The following LRRC43 variants were observed in gnomAD, a reference collection of about 807,000 sequenced individuals.
LRRC43 encodes the protein leucine rich repeat containing 43.
A neutral mutation model predicts 64.3 loss-of-function variants in LRRC43; 62 were observed. The observed-to-expected ratio is 0.96, with a 90% CI of 0.79 to 1.19. LRRC43 has a LOEUF of 1.19. LRRC43 is among the 50% of genes most tolerant of loss of function. LRRC43 has a pLI of 0.00. For synonymous variants in LRRC43, 422 were observed against 382.3 expected, an observed-to-expected ratio of 1.10 and a Z score of -1.21; for missense variants, 868 against 845.0, an observed-to-expected ratio of 1.03 and a Z score of -0.34.
chr12:122,192,852 A>G lies in LRRC43; in HGVS notation c.1197A>G (p.Glu399=). ...DIVEEVTEEV[E]GSLESEVEES... is the part of the protein sequence containing the mutation. ...TTGAAGAGGTTACTGAAGAGGTCGA[A>G]GGGTCTCTGGAGTCTGAGGTGGAGG... The change falls in exon 7 of 12, where the codon GAA becomes GAG. Residue 399 remains glutamate, a synonymous_variant. Transcript: ENST00000339777. 2 of 1,611,318 alleles carry G rather than the reference A, an allele frequency of 1.2e-6. No homozygotes were observed. Among genetic ancestry groups the G allele is most frequent in the Non-Finnish European group, 8.5e-7 (1 of 1,180,016 alleles).
intron 1 of LRRC43, chr12:122,173,996 G>C (rs1953514012): frequency 6.2e-7 from 1 of 1,613,934 alleles, no homozygotes; most frequent in African/African-American, 1.3e-5. Context: ...GAGGGGCCTG[G>C]AGAGAGAACG....
upstream of LRRC43, among the ~76,000 whole-genome samples, chr12:122,178,594 T>C (rs868227384): frequency 8.0e-5 from 11 of 138,138 alleles, no homozygotes; most frequent in African/African-American, 2.2e-4. Context: ...TTTTTTTTTT[T>C]TTTTTTTTTT....
In LRRC43 at chr12:122,201,450, G is replaced by A. The variant is rs1048734718; in HGVS notation, c.1843+121G>A. ...ATGGTAGCTTCTGGCCTGGGGAGAG[G>A]CCACATCCCCCCTTAGATCCAGTGT... On this transcript the variant is annotated intron_variant, in intron 11 of 11. Coordinates refer to ENST00000339777, the MANE Select transcript of LRRC43 (RefSeq NM_001098519.2). 21 of 830,234 alleles carry A rather than the reference G, an allele frequency of 2.5e-5. 1 individual carries two copies. In the South Asian group the frequency reaches 3.0e-4, roughly 12 times the overall value. 51.4% of individuals were successfully genotyped at this position (830,234 alleles called of 1,614,324 possible).
At chr12:122,196,276 T>C (rs1953772047) in intron 7 of LRRC43, among the ~76,000 whole-genome samples, 1 of 152,262 alleles carries the variant, frequency 6.6e-6, no homozygotes, top group Non-Finnish European at 1.5e-5. Context: ...TTTTGCAGTC[T>C]AATAGATTTA....
chr12:122,175,091 C>T (rs958020239), intron 1 of LRRC43, among the ~76,000 whole-genome samples: 2 of 152,176 alleles, frequency 1.3e-5, no homozygotes, highest in South Asian at 2.1e-4. Context: ...CTGCCTGCCT[C>T]GGCTTCCCAA....
intron 1 of LRRC43, among the ~76,000 whole-genome samples, chr12:122,175,589 G>T (rs1285764661): frequency 6.7e-6 from 1 of 149,294 alleles, no homozygotes. Flanking sequence ...CGGCAGCCCC[G>T]ATCCCCTGGG....
chr12:122,172,502 G>A (rs141964606), intron 1 of LRRC43: 1 of 1,614,046 alleles, frequency 6.2e-7, no homozygotes, highest in Non-Finnish European at 8.5e-7. Context: ...TCAGGATGAA[G>A]CGTTTACATT....
chr12:122,202,969 G>A (rs1419195085), intron 11 of LRRC43, among the ~76,000 whole-genome samples: 1 of 152,044 alleles, frequency 6.6e-6, no homozygotes, highest in African/African-American at 2.4e-5. Flanking sequence ...ACAGGCGCCT[G>A]TAATCCCAGC....
At position 122,200,640 on chromosome 12, in the gene LRRC43, G is replaced by A. The variant is rs749322745; in HGVS notation, c.1600G>A (p.Gly534Arg). Residue 534 changes from glycine to arginine, a missense_variant, in exon 9 of 12, where the codon GGA (glycine) becomes AGA (arginine). Physicochemically the swap from Gly to Arg is moderately radical, Grantham distance 125. Coordinates refer to ENST00000339777, the MANE Select transcript of LRRC43 (RefSeq NM_001098519.2). This position sits in a 1 kb window ranked among gnomAD's most constrained non-coding sequence, Gnocchi z 4.6. ...KGKEKDRTGK[G>R]EKEPAKEWKV... Reference sequence around the variant, plus strand: ...GAAGGAGAAAGACAGGACGGGGAAAGGAGAGAAAGAGCCGGCCAAGGTACC... The same window carrying A: ...GAAGGAGAAAGACAGGACGGGGAAAAGAGAGAAAGAGCCGGCCAAGGTACC... 2 of 1,614,130 alleles carry A rather than the reference G, an allele frequency of 1.2e-6. No homozygotes were observed. The highest frequency in any genetic ancestry group is 2.2e-5 in the South Asian group (2 of 91,076).
Position 122,200,962 on chromosome 12 carries a change from C to T in LRRC43, c.1809+28C>T. 6.4e-7 allele frequency: 1 copy of T among 1,558,212 alleles called. No homozygotes were observed. The highest frequency in any genetic ancestry group is 8.7e-7 in the Non-Finnish European group (1 of 1,153,724). ...ACAGCCGGGCCCTAGCCACATCCTC[C>T]ACCTCTGCCTTCGCCCTCCCCATGG... On this transcript the variant is annotated intron_variant, in intron 10 of 11. Coordinates refer to ENST00000339777, the MANE Select transcript of LRRC43 (RefSeq NM_001098519.2). The surrounding 1 kb of genome is among the most constrained non-coding windows in gnomAD (Gnocchi z 4.6).
intron 1 of LRRC43, among the ~76,000 whole-genome samples, chr12:122,176,351 C>T (rs544530319): frequency 1.9e-4 from 29 of 152,094 alleles, no homozygotes; most frequent in African/African-American, 6.3e-4. Flanking sequence ...CACAGTGACG[C>T]GAGAGGACAG....
chr12:122,181,610 A>G (rs1348572353), upstream of LRRC43, among the ~76,000 whole-genome samples: 1 of 135,320 alleles, frequency 7.4e-6, no homozygotes, highest in Non-Finnish European at 1.5e-5. Flanking sequence ...TTTTGGATAA[A>G]TTTTTTTTTT....
rs749822039 is a variant in LRRC43, at chr12:122,200,877, C to T, written c.1752C>T (p.Thr584=). 42 of 1,612,744 alleles carry T rather than the reference C, an allele frequency of 2.6e-5. No homozygotes were observed. The highest frequency in any genetic ancestry group is 3.1e-5 in the Non-Finnish European group (36 of 1,179,794). ...TCGCCGGGGAGCCCCTGGTGTCCAC[C>T]GTGTGCAACTTCGGCGTGGTCCGCA... ...PLLAGEPLVS[T]VCNFGVVRTL... Residue 584 remains threonine (T), a synonymous_variant, in exon 10 of 12, where the codon ACC becomes ACT. Coordinates refer to ENST00000339777, the MANE Select transcript of LRRC43 (RefSeq NM_001098519.2). This position sits in a 1 kb window ranked among gnomAD's most constrained non-coding sequence, Gnocchi z 4.6.
Position 122,200,022 on chromosome 12 carries a change from T to C in LRRC43, c.1350-167T>C, listed in dbSNP as rs1953816614. Among the ~76,000 whole-genome samples the C allele has an allele frequency of 1.3e-5, 2 of 152,222 alleles. No individual in the cohort carries two copies. Among genetic ancestry groups the C allele is most frequent in the South Asian group, 4.1e-4 (2 of 4,832 alleles). On this transcript the variant is annotated intron_variant, in intron 7 of 11. Transcript: ENST00000339777. This position sits in a 1 kb window ranked among gnomAD's most constrained non-coding sequence, Gnocchi z 4.6. ...CCTCTGTATCCACACCTTTCTGGCC[T>C]TCTGGTCCCCTTGCCCTGCCTGGTG...
At position 122,184,568 on chromosome 12, in the gene LRRC43, T is replaced by A. The variant is rs1953618625; in HGVS notation, c.200T>A (p.Val67Asp). Residue 67 changes from valine (V) to aspartate (D), a missense_variant, in exon 2 of 12, where the codon GTC becomes GAC. Transcript: ENST00000339777. This position sits in a 1 kb window ranked among gnomAD's most constrained non-coding sequence, Gnocchi z 4.0. Reference protein sequence around the residue: ...PQTWRTWRELVPREEDVVSPG... With the variant: ...PQTWRTWRELDPREEDVVSPG... ...ACTTGGCGAACTTGGAGGGAGCTTG[T>A]CCCCAGAGAGGAGGATGTGGTGAGC... is the stretch of plus-strand genomic sequence containing the variant. 2 of 1,613,684 alleles carry A rather than the reference T, an allele frequency of 1.2e-6. No individual in the cohort carries two copies. The highest frequency in any genetic ancestry group is 2.7e-5 in the African/African-American group (2 of 74,874).
rs765523628 is a variant in LRRC43 at position 122,187,686 on chromosome 12, C to T, written c.523-15C>T. 40 of 1,612,194 alleles carry T rather than the reference C, an allele frequency of 2.5e-5. No homozygotes were observed. The highest frequency in any genetic ancestry group is 1.6e-4 in the Middle Eastern group (1 of 6,084). Reference sequence around the variant, plus strand: ...TGGGGCCCCATCGTCCCGGGCCTTCCGTGTGGTCTCCCAGGTGCTGGAGCT... The same window carrying T: ...TGGGGCCCCATCGTCCCGGGCCTTCTGTGTGGTCTCCCAGGTGCTGGAGCT... On this transcript the variant is annotated splice_polypyrimidine_tract_variant and intron_variant, in intron 3 of 11. Coordinates refer to ENST00000339777, the MANE Select transcript of LRRC43 (RefSeq NM_001098519.2).
chr12:122,178,256 C>A (rs1316464154), upstream of LRRC43, among the ~76,000 whole-genome samples: 1 of 152,108 alleles, frequency 6.6e-6, no homozygotes, highest in Non-Finnish European at 1.5e-5. Context: ...TTTTACATGA[C>A]CCCTCTATAG....
chr12:122,203,227 A>G, intron 11 of LRRC43, 88 bp from the exon 12 acceptor site: 1 of 1,479,360 alleles, frequency 6.8e-7, no homozygotes, highest in Non-Finnish European at 9.2e-7. Flanking sequence ...GACAGGGTCC[A>G]GGGCTTGCAT....
At chr12:122,172,603 A>G in intron 1 of LRRC43, 1 of 1,614,036 alleles carries the variant, frequency 6.2e-7, no homozygotes, top group Non-Finnish European at 8.5e-7. Flanking sequence ...TCAATAACAG[A>G]TTTGTTGTCT....
Sources: gnomAD v4.1 joint callset for allele counts (sites outside exome capture counted in the v4.1 genomes callset) on GRCh38, gnomAD v4.1.1 for gene constraint, Gnocchi (gnomAD v3.1) non-coding constraint, MANE v1.5 for transcripts, NCBI Gene and HGNC (gene_info 2026-07-23, HGNC 2026-07-21) for gene names.